Variants in MARCHF1 observed in about 807,000 individuals in gnomAD.
MARCHF1 encodes the protein E3 ubiquitin-protein ligase MARCHF1.
MARCHF1 carries 40 observed loss-of-function variants against 54.2 expected under a neutral mutation model. That is an observed-to-expected ratio of 0.74 (90% confidence interval 0.57 to 0.96). The LOEUF (loss-of-function observed/expected upper bound fraction) is 0.96, where lower values mean the gene tolerates loss of function less well. Among genes scored for constraint, MARCHF1 ranks in the 40% least tolerant of loss-of-function variants. MARCHF1 has a pLI of 0.00. For synonymous variants in MARCHF1, 236 were observed against 236.3 expected, an observed-to-expected ratio of 1.00 and a Z score of 0.01; for missense variants, 586 against 656.5, an observed-to-expected ratio of 0.89 and a Z score of 1.17.
chr4:164,066,169 C>T (rs1407019819), intron 2 of MARCHF1, among the ~76,000 whole-genome samples: 1 of 101,474 alleles, frequency 9.9e-6, no homozygotes, highest in Admixed American at 1.0e-4. Flanking sequence ...GCAACATAAA[C>T]AAACTTGCAA....
chr4:163,561,072 T>C (rs1464716011), intron 8 of MARCHF1, among the ~76,000 whole-genome samples: 1 of 152,166 alleles, frequency 6.6e-6, no homozygotes, highest in African/African-American at 2.4e-5. Context: ...CAGTTTTCTT[T>C]CTAAATAAAA....
At chr4:163,822,209 T>C (rs1049546319) in intron 4 of MARCHF1, among the ~76,000 whole-genome samples, 1 of 151,950 alleles carries the variant, frequency 6.6e-6, no homozygotes, top group Non-Finnish European at 1.5e-5. Flanking sequence ...TTTTTTTTAA[T>C]GAACATTCAC....
At chr4:163,921,140 G>A (rs970732725) in intron 3 of MARCHF1, among the ~76,000 whole-genome samples, 3 of 152,098 alleles carry the variant, frequency 2.0e-5, no homozygotes, top group African/African-American at 2.4e-5. Flanking sequence ...TAAAATATCA[G>A]ATAAGAAACT....
chr4:163,719,285 G>A (rs1244657373), intron 4 of MARCHF1, among the ~76,000 whole-genome samples: 3 of 151,748 alleles, frequency 2.0e-5, no homozygotes, highest in Admixed American at 1.3e-4. Context: ...GCAGTGTTTG[G>A]TTTTTTGTTC....
intron 2 of MARCHF1, among the ~76,000 whole-genome samples, chr4:163,998,149 A>T (rs754363606): frequency 6.6e-6 from 1 of 151,430 alleles, no homozygotes; most frequent in Non-Finnish European, 1.5e-5. Context: ...TTGAATATTT[A>T]AAAGTACCAT....
chr4:164,121,384 T>C (rs1756062591), intron 1 of MARCHF1, among the ~76,000 whole-genome samples: 2 of 152,236 alleles, frequency 1.3e-5, no homozygotes, highest in Admixed American at 1.3e-4. Flanking sequence ...TAGTTCTGCA[T>C]GGCTGAAGAG....
chr4:163,635,613 A>G (rs1161421451), intron 5 of MARCHF1, among the ~76,000 whole-genome samples: 2 of 149,612 alleles, frequency 1.3e-5, no homozygotes, highest in African/African-American at 4.9e-5. Context: ...TAGCTTACCA[A>G]CCAAAAAGAG....
intron 3 of MARCHF1, among the ~76,000 whole-genome samples, chr4:163,944,262 G>T (rs907212568): frequency 8.6e-5 from 13 of 151,868 alleles, no homozygotes; most frequent in Admixed American, 6.6e-4. Flanking sequence ...GATTACAGGC[G>T]TGAGCCACCG....
intron 7 of MARCHF1, among the ~76,000 whole-genome samples, chr4:163,600,450 C>T (rs1740927664): frequency 1.3e-5 from 2 of 152,030 alleles, no homozygotes; most frequent in South Asian, 4.1e-4. Context: ...GGTTGGGAAC[C>T]ACTTGGTGAG....
chr4:164,361,754 AC>A (rs1730729915), intron 1 of MARCHF1, among the ~76,000 whole-genome samples: 1 of 152,162 alleles, frequency 6.6e-6, no homozygotes, highest in Non-Finnish European at 1.5e-5. Context: ...TTAAATGATA[AC>A]TTACTAAGGA....
At position 163,929,992 on chromosome 4, in the gene MARCHF1, A is replaced by AT. The variant is rs1471913757; in HGVS notation, c.-39+58508_-39+58509insA. On this transcript the variant is annotated intron_variant, in intron 3 of 9. Coordinates refer to ENST00000514618, the MANE Select transcript of MARCHF1 (RefSeq NM_001394959.1). ...TATATAATATATATAATATATATATAATATATTATATATAAATATATTATA... is the reference window on the plus strand; with the variant it reads ...TATATAATATATATAATATATATATATATATATTATATATAAATATATTATA... 3.8e-5 allele frequency among the ~76,000 whole-genome samples: 5 copies of AT among 131,734 alleles called. No individual in the cohort carries two copies. In the Admixed American group the frequency reaches 4.2e-4, roughly 11 times the overall value. 86.4% of individuals were successfully genotyped at this position (131,734 alleles called of 152,430 possible).
intron 1 of MARCHF1, among the ~76,000 whole-genome samples, chr4:164,284,373 C>G (rs1428158013): frequency 6.7e-6 from 1 of 149,052 alleles, no homozygotes; most frequent in African/African-American, 2.5e-5. Context: ...CAAGAACAAG[C>G]TGGTCTGGCT....
At chr4:164,129,602 T>C (rs780500107) in intron 1 of MARCHF1, among the ~76,000 whole-genome samples, 1 of 152,212 alleles carries the variant, frequency 6.6e-6, no homozygotes, top group Non-Finnish European at 1.5e-5. Flanking sequence ...ATTTTTTGAA[T>C]TAGTTGATTA....
intron 3 of MARCHF1, among the ~76,000 whole-genome samples, chr4:163,914,282 G>T (rs945573362): frequency 5.3e-5 from 8 of 151,956 alleles, no homozygotes; most frequent in African/African-American, 1.7e-4. Flanking sequence ...TAAAAATTTT[G>T]TTTAAAGAGA....
intron 5 of MARCHF1, among the ~76,000 whole-genome samples, chr4:163,659,955 G>T (rs2111096434): frequency 6.6e-6 from 1 of 152,140 alleles, no homozygotes; most frequent in East Asian, 1.9e-4. Flanking sequence ...ACTGTTAGTG[G>T]GACTGTAAAT....
intron 5 of MARCHF1, among the ~76,000 whole-genome samples, chr4:163,673,590 G>T (rs1302266999): frequency 6.6e-6 from 1 of 151,910 alleles, no homozygotes; most frequent in Non-Finnish European, 1.5e-5. Flanking sequence ...GGAAATGCAG[G>T]TGACAAAAAT....
chr4:164,223,995 G>A (rs530280221), intron 1 of MARCHF1, among the ~76,000 whole-genome samples: 2 of 148,402 alleles, frequency 1.3e-5, no homozygotes, highest in South Asian at 4.3e-4. Context: ...TCCAGTTCAG[G>A]AAATTTTAGT....
intron 2 of MARCHF1, among the ~76,000 whole-genome samples, chr4:164,060,114 C>A (rs1254794934): frequency 2.0e-5 from 3 of 152,014 alleles, no homozygotes; most frequent in Non-Finnish European, 4.4e-5. Flanking sequence ...TCACAGTCTA[C>A]CAAATTGTTG....
At chr4:163,902,256 C>T (rs1462259927) in intron 3 of MARCHF1, among the ~76,000 whole-genome samples, 1 of 152,088 alleles carries the variant, frequency 6.6e-6, no homozygotes, top group Non-Finnish European at 1.5e-5. Flanking sequence ...CTGTAATATG[C>T]CTGAATTACC....
Sources: allele counts gnomAD v4.1 joint callset (sites outside exome capture counted in the v4.1 genomes callset), GRCh38; gene constraint gnomAD v4.1.1; transcripts MANE v1.5; gene names NCBI Gene and HGNC (gene_info 2026-07-23, HGNC 2026-07-21).